Variants in SSBP3 observed in about 807,000 individuals in gnomAD.
SSBP3 encodes single stranded DNA binding protein 3.
SSBP3 carries 5 observed loss-of-function variants against 69.6 expected under a neutral mutation model. The observed-to-expected ratio is 0.07, with a 90% CI of 0.04 to 0.15. The LOEUF (loss-of-function observed/expected upper bound fraction) is 0.15. Among genes scored for constraint, SSBP3 ranks in the 10% least tolerant of loss-of-function variants. The pLI is 1.00. For synonymous variants in SSBP3, 196 were observed against 193.4 expected (o/e 1.01, Z -0.11); for missense variants, 312 against 534.0 (o/e 0.58, Z 4.10).
At chr1:54,397,877 C>T (rs759808208) in intron 4 of SSBP3, among the ~76,000 whole-genome samples, 2 of 152,194 alleles carry the variant, frequency 1.3e-5, no homozygotes, top group Non-Finnish European at 2.9e-5. Context: ...AACAAACCCC[C>T]TTCCCAGAGT....
intron 3 of SSBP3, among the ~76,000 whole-genome samples, chr1:54,403,452 C>T (rs1020491459): frequency 7.2e-5 from 11 of 152,210 alleles, no homozygotes; most frequent in Non-Finnish European, 1.3e-4. Flanking sequence ...CCAACCCCAT[C>T]CACACACTCC....
At chr1:54,398,307 G>C (rs1649039998) in intron 4 of SSBP3, among the ~76,000 whole-genome samples, 1 of 152,270 alleles carries the variant, frequency 6.6e-6, no homozygotes, top group Non-Finnish European at 1.5e-5. Flanking sequence ...GGTATGTGTA[G>C]TGTAAGAATC....
intron 4 of SSBP3, among the ~76,000 whole-genome samples, chr1:54,351,320 C>T (rs1280987132): frequency 6.6e-6 from 1 of 152,200 alleles, no homozygotes; most frequent in Non-Finnish European, 1.5e-5. Flanking sequence ...CACATAACTT[C>T]TTCTGTTCTC....
At chr1:54,286,397 T>A (rs1645490480) in intron 4 of SSBP3, 1 of 152,224 alleles carries the variant, frequency 6.6e-6, no homozygotes, top group South Asian at 2.1e-4. Context: ...CCTCTAAACC[T>A]ACAGTCAACT....
intron 4 of SSBP3, among the ~76,000 whole-genome samples, chr1:54,366,787 C>T (rs1252603316): frequency 1.3e-5 from 2 of 152,026 alleles, no homozygotes; most frequent in East Asian, 1.9e-4. Context: ...TTAAACTTAC[C>T]TCCTACAAAA....
At chr1:54,234,591 GACAA>G (rs962372092) in intron 14 of SSBP3, among the ~76,000 whole-genome samples, 239 of 151,832 alleles carry the variant, frequency 1.6e-3, no homozygotes, top group African/African-American at 5.5e-3. Flanking sequence ...TCTCTAAACA[GACAA>G]ACAAACAAAC....
At chr1:54,331,269 C>T (rs761080359) in intron 4 of SSBP3, among the ~76,000 whole-genome samples, 6 of 152,188 alleles carry the variant, frequency 3.9e-5, no homozygotes, top group Non-Finnish European at 2.9e-5. Flanking sequence ...CACACTCCCT[C>T]AGACCAGATG....
upstream of SSBP3, among the ~76,000 whole-genome samples, chr1:54,406,851 C>G (rs568543625): frequency 1.3e-5 from 2 of 151,838 alleles, no homozygotes; most frequent in East Asian, 1.9e-4. Flanking sequence ...CAGCTCCCCC[C>G]CGCCGCGGCC....
chr1:54,382,781 T>A lies in SSBP3; in HGVS notation c.276+19080A>T, dbSNP rs1647754230. On this transcript the variant is annotated intron_variant, in intron 4 of 17. Coordinates refer to ENST00000610401, the Ensembl canonical transcript of SSBP3. The stretch of plus-strand genomic sequence containing the variant: ...CAGGTGGATCACCTGAAGTCGGGAG[T>A]TCGAGACCAGCCTGACCAACTTGGA... Among the ~76,000 whole-genome samples the A allele has an allele frequency of 2.0e-5, 3 of 149,882 alleles. No individual in the cohort carries two copies. The South Asian group carries it at 6.3e-4, about 32-fold the overall frequency.
chr1:54,245,373 G>A (rs958460347), intron 9 of SSBP3, among the ~76,000 whole-genome samples: 4 of 152,306 alleles, frequency 2.6e-5, no homozygotes, highest in East Asian at 1.9e-4. Flanking sequence ...TGGATCTGCC[G>A]GCCCCCCAGA....
chr1:54,326,146 G>A (rs566907579), intron 4 of SSBP3, among the ~76,000 whole-genome samples: 16 of 152,260 alleles, frequency 1.1e-4, no homozygotes, highest in African/African-American at 3.6e-4. Context: ...TCTGATGATC[G>A]CAGTGGGTAA....
At chr1:54,352,630 G>A (rs1255151433) in intron 4 of SSBP3, among the ~76,000 whole-genome samples, 2 of 152,164 alleles carry the variant, frequency 1.3e-5, no homozygotes, top group Non-Finnish European at 2.9e-5. Context: ...GTCATCTCAT[G>A]AGCCTCACCT....
At chr1:54,409,755 CT>C (rs1010167133), upstream of SSBP3, among the ~76,000 whole-genome samples, 6 of 152,312 alleles carry the variant, frequency 3.9e-5, no homozygotes, top group East Asian at 1.2e-3. Context: ...CCCTCCCTTC[CT>C]TTTTTTCTTT....
intron 5 of SSBP3, among the ~76,000 whole-genome samples, chr1:54,271,197 A>G (rs573398961): frequency 1.3e-5 from 2 of 152,032 alleles, no homozygotes; most frequent in Non-Finnish European, 2.9e-5. Context: ...TGCAGTATCA[A>G]TCTCCAGGGC....
At chr1:54,336,995 G>C (rs1342166811) in intron 4 of SSBP3, among the ~76,000 whole-genome samples, 2 of 152,180 alleles carry the variant, frequency 1.3e-5, no homozygotes, top group East Asian at 1.9e-4. Flanking sequence ...GAGGTGGAGG[G>C]GGAAAGCATG....
chr1:54,302,904 C>T (rs1645828210), intron 4 of SSBP3, among the ~76,000 whole-genome samples: 1 of 152,184 alleles, frequency 6.6e-6, no homozygotes, highest in African/African-American at 2.4e-5. Flanking sequence ...TGACACCCAG[C>T]CATGCCCTGG....
intron 1 of SSBP3, among the ~76,000 whole-genome samples, chr1:54,405,167 G>T (rs963786494): frequency 6.6e-6 from 1 of 152,172 alleles, no homozygotes; most frequent in Non-Finnish European, 1.5e-5. Context: ...CCCCAAACTT[G>T]AACTTCCAAG....
intron 4 of SSBP3, among the ~76,000 whole-genome samples, chr1:54,312,501 C>A (rs1359226203): frequency 6.6e-6 from 1 of 151,832 alleles, no homozygotes; most frequent in African/African-American, 2.4e-5. Flanking sequence ...GGCAGAAGAA[C>A]TGCTTGAACC....
intron 4 of SSBP3, among the ~76,000 whole-genome samples, chr1:54,288,822 T>A (rs577453423): frequency 1.3e-5 from 2 of 151,832 alleles, no homozygotes; most frequent in Non-Finnish European, 2.9e-5. Flanking sequence ...ATCGAGACCA[T>A]CCTGGCTAAC....
Sources: allele counts gnomAD v4.1 joint callset (sites outside exome capture counted in the v4.1 genomes callset), GRCh38; gene constraint gnomAD v4.1.1; transcripts MANE v1.5; gene names NCBI Gene and HGNC (gene_info 2026-07-23, HGNC 2026-07-21).